Variants in DNAH7 observed in about 807,000 individuals in gnomAD.
DNAH7 encodes the protein axonemal beta dynein heavy chain 7.
DNAH7 carries 397 observed loss-of-function variants against 444.6 expected under a neutral mutation model. That is an observed-to-expected ratio of 0.89 (90% CI 0.82 to 0.97). DNAH7 has a LOEUF of 0.97. Among genes scored for constraint, DNAH7 ranks in the 50% least tolerant of loss-of-function variants. The probability of loss-of-function intolerance (pLI) is 0.00; values close to 1 mark genes in which losing one functional copy is unlikely to be tolerated. For missense variants in DNAH7, 4,902 were observed against 4,800.8 expected, an observed-to-expected ratio of 1.02 and a Z score of -0.62; for synonymous variants, 1,636 against 1,624.4, an observed-to-expected ratio of 1.01 and a Z score of -0.17.
chr2:195,877,668 A>C (rs1181516192), intron 36 of DNAH7, among the ~76,000 whole-genome samples: 1 of 152,234 alleles, frequency 6.6e-6, no homozygotes, highest in Non-Finnish European at 1.5e-5. Flanking sequence ...TAATGACTAC[A>C]TTTAGCACAC....
At chr2:196,030,367 A>G (rs917279841) in intron 5 of DNAH7, among the ~76,000 whole-genome samples, 6 of 152,364 alleles carry the variant, frequency 3.9e-5, no homozygotes, top group Middle Eastern at 3.4e-3. Flanking sequence ...TTATGGGAGT[A>G]CAATTCAAGA....
At chr2:196,044,185 AT>A (rs1463936476) in intron 5 of DNAH7, among the ~76,000 whole-genome samples, 2 of 130,126 alleles carry the variant, frequency 1.5e-5, no homozygotes, top group African/African-American at 3.1e-5. Flanking sequence ...GGATAAAAAA[AT>A]GTTTATATAT....
chr2:195,908,152 T>C (rs1294924881), intron 25 of DNAH7, among the ~76,000 whole-genome samples: 2 of 152,128 alleles, frequency 1.3e-5, no homozygotes, highest in East Asian at 3.8e-4. Context: ...CAGACATTTC[T>C]TTAGACATTT....
intron 61 of DNAH7, among the ~76,000 whole-genome samples, chr2:195,767,995 T>C: frequency 6.6e-6 from 1 of 151,728 alleles, no homozygotes; most frequent in East Asian, 1.9e-4. Context: ...GCTGATTAGA[T>C]AAAAATATTA....
intron 64 of DNAH7, among the ~76,000 whole-genome samples, chr2:195,738,504 A>G (rs1692790179): frequency 6.6e-6 from 1 of 152,154 alleles, no homozygotes; most frequent in Non-Finnish European, 1.5e-5. Flanking sequence ...GCCAGTCCCA[A>G]AAAATTCTGA....
chr2:195,932,819 G>T (rs1170641693), intron 21 of DNAH7, among the ~76,000 whole-genome samples: 2 of 152,118 alleles, frequency 1.3e-5, no homozygotes, highest in Non-Finnish European at 2.9e-5. Flanking sequence ...GATTCGGTTT[G>T]CCAGTATTTT....
At chr2:195,988,451 G>T (rs1693074227) in intron 12 of DNAH7, among the ~76,000 whole-genome samples, 1 of 151,924 alleles carries the variant, frequency 6.6e-6, no homozygotes, top group Admixed American at 6.6e-5. Context: ...CTACCTAGTT[G>T]TGTTTCGTTT....
rs762361155 is a variant in DNAH7, at chr2:195,738,029, G to A, written c.11967C>T (p.Thr3989=). 3 of 1,614,018 alleles carry A rather than the reference G, an allele frequency of 1.9e-6. No individual in the cohort carries two copies. The highest frequency in any genetic ancestry group is 1.1e-5 in the South Asian group (1 of 91,084). Residue 3989 remains threonine, a synonymous_variant, in exon 65 of 65, where the codon ACC becomes ACT. Transcript: ENST00000312428. The part of the protein sequence containing the change: ...KTSERRGVLS[T]TGHSTNFVIA... ...TCACAAAATTCGTGGAATGGCCAGT[G>A]GTGGATAATACTCCTCTCCGCTCAC...
chr2:195,892,316 T>C (rs1239411816), intron 30 of DNAH7, among the ~76,000 whole-genome samples: 1 of 152,172 alleles, frequency 6.6e-6, no homozygotes, highest in Admixed American at 6.5e-5. Flanking sequence ...TGACCCCTGC[T>C]ACAAAACAAC....
Position 195,865,008 on chromosome 2 carries a change from T to A in DNAH7, c.6647A>T (p.Tyr2216Phe), listed in dbSNP as rs1416119428. The part of the protein sequence containing the change: ...RLWVHEVLRV[Y>F]YDRLLDNTDR... Reference sequence around the variant, plus strand: ...TGTATTGTCCAGAAGGCGGTCATAATACACTCGAAGGACCTGTATAATAAT... The same window carrying A: ...TGTATTGTCCAGAAGGCGGTCATAAAACACTCGAAGGACCTGTATAATAAT... The change falls in exon 41 of 65, where the codon TAT (tyrosine) becomes TTT (phenylalanine). Residue 2216 changes from tyrosine (Y) to phenylalanine (F), a missense_variant. Coordinates refer to ENST00000312428, the MANE Select transcript of DNAH7 (RefSeq NM_018897.3). The A allele has an allele frequency of 6.3e-7, 1 of 1,597,420 alleles. No individual in the cohort carries two copies. The highest frequency in any genetic ancestry group is 2.2e-5 in the East Asian group (1 of 44,866).
chr2:195,886,943 A>C (rs992644132), intron 33 of DNAH7, among the ~76,000 whole-genome samples: 19 of 152,288 alleles, frequency 1.2e-4, no homozygotes, highest in African/African-American at 4.6e-4. Context: ...GACTCCCTGA[A>C]GATTAGAGGC....
intron 16 of DNAH7, among the ~76,000 whole-genome samples, chr2:195,971,206 A>AT (rs1363551825): frequency 6.6e-6 from 1 of 152,194 alleles, no homozygotes; most frequent in Non-Finnish European, 1.5e-5. Context: ...GCTTGCTATT[A>AT]AAGGACATCT....
At chr2:195,745,615 G>C (rs1693351375) in intron 63 of DNAH7, among the ~76,000 whole-genome samples, 1 of 152,210 alleles carries the variant, frequency 6.6e-6, no homozygotes, top group South Asian at 2.1e-4. Flanking sequence ...CAAAGGTCGG[G>C]TTACCCACAA....
chr2:195,856,869 AGAAT>A (rs1168974965), intron 44 of DNAH7, among the ~76,000 whole-genome samples: 2 of 152,144 alleles, frequency 1.3e-5, no homozygotes, highest in Non-Finnish European at 2.9e-5. Flanking sequence ...ATATTGCAAC[AGAAT>A]GAATGAAGAA....
rs377253354 is a variant in DNAH7, at chr2:196,026,724, A to G, written c.667+36T>C. 7.0e-6 allele frequency: 10 copies of G among 1,434,026 alleles called. No homozygotes were observed. The African/African-American group carries it at 7.1e-5, about 10-fold the overall frequency. The allele number at this position is 1,434,026 out of a possible 1,614,324, so 88.8% of individuals were successfully genotyped here. A position where few individuals can be genotyped will look rare whatever the true frequency, so the allele number is the denominator to read the frequency against. Reference sequence around the variant, plus strand: ...AAAAATAATCTTTAATGAGACACATATTTGAATTAAAAATCAAAGCATAAT... The same window carrying G: ...AAAAATAATCTTTAATGAGACACATGTTTGAATTAAAAATCAAAGCATAAT... On this transcript the variant is annotated intron_variant, in intron 7 of 64. Coordinates refer to ENST00000312428, the MANE Select transcript of DNAH7 (RefSeq NM_018897.3).
chr2:195,997,933 A>T (rs951008915), intron 12 of DNAH7, among the ~76,000 whole-genome samples: 3 of 152,126 alleles, frequency 2.0e-5, no homozygotes, highest in Non-Finnish European at 1.5e-5. Context: ...GGTGATGGTG[A>T]TCCCTGGAAT....
At chr2:195,878,035 A>G (rs907350542) in intron 36 of DNAH7, among the ~76,000 whole-genome samples, 1 of 152,236 alleles carries the variant, frequency 6.6e-6, no homozygotes, top group Non-Finnish European at 1.5e-5. Context: ...AAGAGGAATA[A>G]TAGTTTGAAA....
chr2:195,995,349 C>G, intron 12 of DNAH7: 2 of 519,264 alleles, frequency 3.9e-6, no homozygotes, highest in South Asian at 2.9e-5. Flanking sequence ...GAGAGACTGG[C>G]TCAGGAGCTG....
intron 17 of DNAH7, among the ~76,000 whole-genome samples, chr2:195,962,192 T>C (rs1432040335): frequency 1.3e-5 from 2 of 152,190 alleles, no homozygotes; most frequent in Non-Finnish European, 2.9e-5. Flanking sequence ...GCCTCAGTTT[T>C]TAAAAAAATA....
Sources: gnomAD v4.1 joint callset for allele counts (sites outside exome capture counted in the v4.1 genomes callset) on GRCh38, gnomAD v4.1.1 for gene constraint, MANE v1.5 for transcripts, NCBI Gene and HGNC (gene_info 2026-07-23, HGNC 2026-07-21) for gene names.